Variants in CRABP2 observed in about 807,000 individuals in gnomAD.
The protein encoded by CRABP2 is cellular retinoic acid binding protein 2, also known as cellular retinoic acid-binding protein 2.
CRABP2 carries 20 observed loss-of-function variants against 17.9 expected under a neutral mutation model. That is an observed-to-expected ratio of 1.12 (90% CI 0.79 to 1.63). The LOEUF is 1.63. Among genes scored for constraint, CRABP2 ranks in the 40% most tolerant of loss-of-function variants. The probability of loss-of-function intolerance (pLI) is 0.00; values close to 1 mark genes in which losing one functional copy is unlikely to be tolerated. For synonymous variants in CRABP2, 76 were observed against 66.4 expected (o/e 1.14, Z -0.70); for missense variants, 151 against 168.6 (o/e 0.90, Z 0.58).
intron 3 of CRABP2, 83 bp from the exon 4 acceptor site, chr1:156,700,159 T>C: frequency 7.0e-7 from 1 of 1,425,994 alleles, no homozygotes; most frequent in Admixed American, 1.9e-5. Flanking sequence ...GGAGGTACTC[T>C]GCTTGGCCTC....
Position 156,705,454 on chromosome 1 carries a change from G to C in CRABP2, c.-8C>G. 6.2e-7 allele frequency: 1 copy of C among 1,614,056 alleles called. No individual in the cohort carries two copies. Among genetic ancestry groups the C allele is most frequent in the East Asian group, 2.2e-5 (1 of 44,882 alleles). On this transcript the variant is annotated 5_prime_UTR_variant, in exon 1 of 4. Transcript: ENST00000368222. The surrounding 1 kb of genome is among the most constrained non-coding windows in gnomAD (Gnocchi z 5.2). ...GCCAGAGAAGTTGGGCATGGTGGCG[G>C]CGCGGGAGGCGGTCCCCGTAGACTC...
chr1:156,702,700 A>G (rs1648074535), intron 1 of CRABP2, among the ~76,000 whole-genome samples: 1 of 146,764 alleles, frequency 6.8e-6, no homozygotes, highest in South Asian at 2.2e-4. Context: ...TGAATCCAGG[A>G]GACGGAGGTT....
chr1:156,704,334 G>T (rs973720322), intron 1 of CRABP2, among the ~76,000 whole-genome samples: 2 of 152,088 alleles, frequency 1.3e-5, no homozygotes, highest in African/African-American at 2.4e-5. Context: ...AGGGAGAGGG[G>T]TGCCTTCCCT....
At chr1:156,703,355 G>C (rs1648095820) in intron 1 of CRABP2, among the ~76,000 whole-genome samples, 1 of 152,172 alleles carries the variant, frequency 6.6e-6, no homozygotes, top group Non-Finnish European at 1.5e-5. Context: ...AACCGAAGTG[G>C]GGGAGATAGG....
rs139634170 is a variant in CRABP2 at position 156,700,542 on chromosome 1, C to T, written c.366G>A (p.Leu122=). Residue 122 remains leucine (L), a splice_region_variant and synonymous_variant, in exon 3 of 4, where the codon CTG becomes CTA. Coordinates refer to ENST00000368222, the MANE Select transcript of CRABP2 (RefSeq NM_001878.4). Reference sequence around the variant, plus strand: ...TTAGTGGGGAGGAGGCAGGACTTACCAGGATCAGTTCCCCATCGTTGGTCA... The same window carrying T: ...TTAGTGGGGAGGAGGCAGGACTTACTAGGATCAGTTCCCCATCGTTGGTCA... ...RELTNDGELI[L]TMTADDVVCT... 1 of 1,612,502 alleles carries T rather than the reference C, an allele frequency of 6.2e-7. No individual in the cohort carries two copies.
Position 156,705,246 on chromosome 1 carries a change from G to A in CRABP2, c.70+131C>T. 2.0e-6 allele frequency: 2 copies of A among 999,830 alleles called. No homozygotes were observed. The highest frequency in any genetic ancestry group is 3.1e-6 in the Non-Finnish European group (2 of 643,072). 61.9% of individuals were successfully genotyped at this position (999,830 alleles called of 1,614,324 possible). ...CAGAGCCCCGGGACCCGGACGCCTG[G>A]CACGTTTTTCGGGGATGCAGGCACC... On this transcript the variant is annotated intron_variant, in intron 1 of 3. Transcript: ENST00000368222. The surrounding 1 kb of genome is among the most constrained non-coding windows in gnomAD (Gnocchi z 5.2).
chr1:156,701,364 C>T (rs1189732117), intron 1 of CRABP2, among the ~76,000 whole-genome samples: 1 of 152,116 alleles, frequency 6.6e-6, no homozygotes, highest in Non-Finnish European at 1.5e-5. Context: ...CACGTCTCAG[C>T]TCTTCAGTCC....
Position 156,700,919 on chromosome 1 carries a change from A to C in CRABP2, c.204T>G (p.Val68=). The C allele has an allele frequency of 6.2e-7, 1 of 1,614,022 alleles. No individual in the cohort carries two copies. The highest frequency in any genetic ancestry group is 8.5e-7 in the Non-Finnish European group (1 of 1,179,960). ...CAGTCTGCTCCTCAAACTCCTCCCC[A>C]ACCTTGAAGTTAATCTCTGTGGTGC... ...TVRTTEINFK[V]GEEFEEQTVD... is the part of the protein sequence containing the mutation. The change falls in exon 2 of 4, where the codon GTT becomes GTG. Residue 68 remains valine, a synonymous_variant. Coordinates refer to ENST00000368222, the MANE Select transcript of CRABP2 (RefSeq NM_001878.4).
In CRABP2 at chr1:156,705,409, G is replaced by A; in HGVS notation, c.38C>T (p.Ser13Leu). 3.1e-6 allele frequency: 5 copies of A among 1,614,084 alleles called. No individual in the cohort carries two copies. Among genetic ancestry groups the A allele is most frequent in the African/African-American group, 1.3e-5 (1 of 75,008 alleles). ...TTTGAGCAATTCCTCGAAGTTTTCC[G>A]ATCGGATGATTTTCCAGTTGCCAGA... ...NFSGNWKIIR[S>L]ENFEELLKVL... The change falls in exon 1 of 4, where the codon TCG (serine) becomes TTG (leucine). Residue 13 changes from serine (S) to leucine (L), a missense_variant. Ser to Leu is a moderately radical substitution (Grantham distance 145). Transcript: ENST00000368222. This position sits in a 1 kb window ranked among gnomAD's most constrained non-coding sequence, Gnocchi z 5.2.
At position 156,705,375 on chromosome 1, in the gene CRABP2, A is replaced by C; in HGVS notation, c.70+2T>G. 2.5e-6 allele frequency: 4 copies of C among 1,613,324 alleles called. No individual in the cohort carries two copies. The highest frequency in any genetic ancestry group is 3.4e-6 in the Non-Finnish European group (4 of 1,179,770). On this transcript the variant is annotated splice_donor_variant, in intron 1 of 3. Coordinates refer to ENST00000368222, the MANE Select transcript of CRABP2 (RefSeq NM_001878.4). LOFTEE classifies it high-confidence loss of function. The surrounding 1 kb of genome is among the most constrained non-coding windows in gnomAD (Gnocchi z 5.2). The stretch of plus-strand genomic sequence containing the variant: ...CACCTGGGCCCTCGAACATTTCCTT[A>C]CCCAGCACTTTGAGCAATTCCTCGA...
chr1:156,700,729 G>A (rs1648006425), intron 2 of CRABP2, 71 bp from the exon 3 acceptor site: 2 of 1,524,652 alleles, frequency 1.3e-6, no homozygotes, highest in African/African-American at 2.7e-5. Flanking sequence ...ATAAGGGAGA[G>A]AGCCCCTTTC....
In CRABP2 at chr1:156,705,516, A is replaced by C. The variant is rs926724583; in HGVS notation, c.-70T>G. The C allele has an allele frequency of 1.2e-5, 18 of 1,560,382 alleles. No individual in the cohort carries two copies. The highest frequency in any genetic ancestry group is 1.6e-5 in the Non-Finnish European group (18 of 1,135,790). ...CACTGGACACTGTCTTTTAGTCAAA[A>C]GAGACGTCGCCGTCGCCGGGTCGTC... On this transcript the variant is annotated 5_prime_UTR_variant, in exon 1 of 4. Coordinates refer to ENST00000368222, the MANE Select transcript of CRABP2 (RefSeq NM_001878.4). The surrounding 1 kb of genome is among the most constrained non-coding windows in gnomAD (Gnocchi z 5.2).
Position 156,700,833 on chromosome 1 carries a change from G to A in CRABP2, c.249+41C>T, listed in dbSNP as rs757086191. 5 of 1,597,120 alleles carry A rather than the reference G, an allele frequency of 3.1e-6. No homozygotes were observed. In the South Asian group the frequency reaches 3.3e-5, roughly 11 times the overall value. On this transcript the variant is annotated intron_variant, in intron 2 of 3. Coordinates refer to ENST00000368222, the MANE Select transcript of CRABP2 (RefSeq NM_001878.4). The stretch of plus-strand genomic sequence containing the variant: ...TGGAAAATGGCAGGTTGAGAGGCAG[G>A]GCAATGACGCCATGACCCTGGAGCC...
intron 1 of CRABP2, among the ~76,000 whole-genome samples, chr1:156,704,318 T>C (rs1310218233): frequency 6.6e-6 from 1 of 152,148 alleles, no homozygotes; most frequent in Non-Finnish European, 1.5e-5. Flanking sequence ...CTCACTCCTA[T>C]AGTCCAGGGA....
Position 156,705,521 on chromosome 1 carries a change from C to T in CRABP2, c.-75G>A, listed in dbSNP as rs1038166557. The T allele has an allele frequency of 3.4e-5, 52 of 1,515,222 alleles. No individual in the cohort carries two copies. Among genetic ancestry groups the T allele is most frequent in the Non-Finnish European group, 4.5e-5 (49 of 1,097,254 alleles). 93.9% of individuals were successfully genotyped at this position (1,515,222 alleles called of 1,614,324 possible). ...GACACTGTCTTTTAGTCAAAAGAGA[C>T]GTCGCCGTCGCCGGGTCGTCAGGTT... On this transcript the variant is annotated 5_prime_UTR_variant, in exon 1 of 4. Coordinates refer to ENST00000368222, the MANE Select transcript of CRABP2 (RefSeq NM_001878.4). The surrounding 1 kb of genome is among the most constrained non-coding windows in gnomAD (Gnocchi z 5.2).
intron 1 of CRABP2, among the ~76,000 whole-genome samples, chr1:156,704,619 C>T (rs1571482491): frequency 6.6e-6 from 1 of 152,320 alleles, no homozygotes; most frequent in South Asian, 2.1e-4. Context: ...CCAACACACC[C>T]AATTGGGCTG....
chr1:156,699,975 CGGTGAGCATGGCCAGT>C lies in CRABP2; in HGVS notation c.*35_*50del. 1 of 1,583,162 alleles carries C rather than the reference CGGTGAGCATGGCCAGT, an allele frequency of 6.3e-7. No individual in the cohort carries two copies. The highest frequency in any genetic ancestry group is 8.6e-7 in the Non-Finnish European group (1 of 1,161,092). Reference sequence around the variant, plus strand: ...GGACGGAGGGGGCAGTGAAGCAGGGCGGTGAGCATGGCCAGTGGTGGGCTTCGGCCGCGGTTCTACC... The same window carrying C: ...GGACGGAGGGGGCAGTGAAGCAGGGCGGTGGGCTTCGGCCGCGGTTCTACC... On this transcript the variant is annotated 3_prime_UTR_variant, in exon 4 of 4. Coordinates refer to ENST00000368222, the MANE Select transcript of CRABP2 (RefSeq NM_001878.4).
chr1:156,700,649 T>C lies in CRABP2; in HGVS notation c.259A>G (p.Lys87Glu), dbSNP rs1648004601. The change falls in exon 3 of 4, where the codon AAA (lysine) becomes GAA (glutamate). Residue 87 changes from lysine (K) to glutamate (E), a missense_variant. Transcript: ENST00000368222. ...VDGRPCKSLV[K>E]WESENKMVCE... Reference sequence around the variant, plus strand: ...ACCATTTTATTCTCACTCTCCCATTTCACCAGGCTCTGCAAGAGACAGGTG... The same window carrying C: ...ACCATTTTATTCTCACTCTCCCATTCCACCAGGCTCTGCAAGAGACAGGTG... 1 of 1,613,886 alleles carries C rather than the reference T, an allele frequency of 6.2e-7. No homozygotes were observed. The highest frequency in any genetic ancestry group is 8.5e-7 in the Non-Finnish European group (1 of 1,179,926).
Position 156,705,560 on chromosome 1 carries a change from A to G in CRABP2, c.-114T>C. The G allele has an allele frequency of 8.5e-7, 1 of 1,182,300 alleles. No individual in the cohort carries two copies. Among genetic ancestry groups the G allele is most frequent in the South Asian group, 1.3e-5 (1 of 79,538 alleles). 73.2% of individuals were successfully genotyped at this position (1,182,300 alleles called of 1,614,324 possible). A position where few individuals can be genotyped will look rare whatever the true frequency, so the allele number is the denominator to read the frequency against. On this transcript the variant is annotated 5_prime_UTR_variant, in exon 1 of 4. Transcript: ENST00000368222. This position sits in a 1 kb window ranked among gnomAD's most constrained non-coding sequence, Gnocchi z 5.2. ...GGTCGTCAGGTTCTGGAACCAAGAC[A>G]AGTCCAGGGACAACCCCAAAGCTGG...
Sources: allele counts gnomAD v4.1 joint callset (sites outside exome capture counted in the v4.1 genomes callset), GRCh38; gene constraint gnomAD v4.1.1; non-coding constraint Gnocchi (gnomAD v3.1); transcripts MANE v1.5; gene names NCBI Gene and HGNC (gene_info 2026-07-23, HGNC 2026-07-21).